Variants in ADHFE1 observed in about 807,000 individuals in gnomAD.
ADHFE1 encodes the protein alcohol dehydrogenase iron containing 1.
Under a neutral mutation model 54.8 loss-of-function variants are expected in ADHFE1, and 37 were observed. The ratio of observed to expected loss-of-function variants is 0.68; its 90% CI spans 0.52 to 0.89. The LOEUF (loss-of-function observed/expected upper bound fraction) is 0.89. Among genes scored for constraint, ADHFE1 ranks in the 40% least tolerant of loss-of-function variants. ADHFE1 has a pLI of 0.00. For missense variants in ADHFE1, 601 were observed against 591.2 expected, an observed-to-expected ratio of 1.02 and a Z score of -0.17; for synonymous variants, 203 against 229.3, an observed-to-expected ratio of 0.89 and a Z score of 1.04.
chr8:66,441,735 A>G (rs1359784906), intron 2 of ADHFE1, among the ~76,000 whole-genome samples: 5 of 152,154 alleles, frequency 3.3e-5, no homozygotes, highest in Non-Finnish European at 5.9e-5. Flanking sequence ...GGTGGCTCAC[A>G]CCCATAATCC....
intron 8 of ADHFE1, among the ~76,000 whole-genome samples, chr8:66,451,719 A>G (rs1191097371): frequency 6.6e-6 from 1 of 152,192 alleles, no homozygotes; most frequent in East Asian, 1.9e-4. Context: ...TATACATACT[A>G]CTCAAAAATA....
At chr8:66,453,459 G>C (rs2130435287) in intron 9 of ADHFE1, among the ~76,000 whole-genome samples, 1 of 152,318 alleles carries the variant, frequency 6.6e-6, no homozygotes, top group South Asian at 2.1e-4. Context: ...GTGAGTGCAG[G>C]AAGGCTGTGC....
At chr8:66,455,625 A>G (rs62511217) in intron 10 of ADHFE1, among the ~76,000 whole-genome samples, 138 of 152,372 alleles carry the variant, frequency 9.1e-4, no homozygotes, top group Non-Finnish European at 1.5e-3. Flanking sequence ...TAGCCTGAAG[A>G]AATACCCATG....
chr8:66,435,755 G>T (rs1805428832), intron 1 of ADHFE1, among the ~76,000 whole-genome samples: 1 of 151,248 alleles, frequency 6.6e-6, no homozygotes, highest in Admixed American at 6.6e-5. Context: ...TGGGACTACA[G>T]TGCACAACAT....
intron 1 of ADHFE1, chr8:66,433,033 A>G (rs1373677607): frequency 5.2e-6 from 2 of 387,654 alleles, no homozygotes; most frequent in Non-Finnish European, 3.5e-6. Flanking sequence ...AAAACCGGCT[A>G]TAGCAGACTG....
intron 3 of ADHFE1, 45 bp downstream of exon 3, chr8:66,442,889 AAAAT>A (rs766337682): frequency 2.3e-5 from 33 of 1,410,612 alleles, no homozygotes; most frequent in Non-Finnish European, 3.2e-5. Context: ...TGACTAGAAA[AAAAT>A]AAAACTAGAA....
At chr8:66,460,985 G>T (rs1277817958) in intron 13 of ADHFE1, among the ~76,000 whole-genome samples, 1 of 152,178 alleles carries the variant, frequency 6.6e-6, no homozygotes, top group Non-Finnish European at 1.5e-5. Flanking sequence ...GTCACTATGG[G>T]TCTGATTTCA....
At chr8:66,449,101 C>A in intron 8 of ADHFE1, 131 bp downstream of exon 8, 2 of 728,908 alleles carry the variant, frequency 2.7e-6, no homozygotes, top group Non-Finnish European at 4.4e-6. Context: ...CTGTCATTAC[C>A]CCCTGTCCTA....
At chr8:66,459,438 T>A (rs1284340093) in intron 12 of ADHFE1, 68 of 138,540 alleles carry the variant, frequency 4.9e-4, no homozygotes, top group African/African-American at 1.7e-3. Context: ...ATATTTTTTT[T>A]TTTTTTTTAA....
At chr8:66,456,416 C>T (rs1344701994) in intron 10 of ADHFE1, among the ~76,000 whole-genome samples, 1 of 152,168 alleles carries the variant, frequency 6.6e-6, no homozygotes, top group Non-Finnish European at 1.5e-5. Flanking sequence ...CAAAATTCCC[C>T]CGACATCATC....
At chr8:66,440,873 C>T (rs755567116) in intron 2 of ADHFE1, among the ~76,000 whole-genome samples, 1 of 152,168 alleles carries the variant, frequency 6.6e-6, no homozygotes, top group Non-Finnish European at 1.5e-5. Flanking sequence ...AGGAAAGAGG[C>T]TGACCATCCA....
intron 2 of ADHFE1, among the ~76,000 whole-genome samples, chr8:66,442,073 T>C (rs1805777688): frequency 6.6e-6 from 1 of 152,072 alleles, no homozygotes; most frequent in Non-Finnish European, 1.5e-5. Context: ...GTTATCCCTA[T>C]GAATTAAAAA....
At chr8:66,447,471 G>A (rs1586457499) in intron 7 of ADHFE1, 130 bp downstream of exon 7, 1 of 737,818 alleles carries the variant, frequency 1.4e-6, no homozygotes, top group Non-Finnish European at 2.2e-6. Flanking sequence ...GAAGAGCAAG[G>A]TGACGAAAGT....
chr8:66,449,444 C>T (rs1736678770), intron 8 of ADHFE1, among the ~76,000 whole-genome samples: 1 of 152,238 alleles, frequency 6.6e-6, no homozygotes, highest in Admixed American at 6.5e-5. Flanking sequence ...AGAGCACCCC[C>T]AGACCATGCA....
intron 3 of ADHFE1, among the ~76,000 whole-genome samples, chr8:66,443,834 AAG>A (rs1168294634): frequency 2.0e-5 from 3 of 152,320 alleles, no homozygotes; most frequent in African/African-American, 7.2e-5. Flanking sequence ...CAAAAAAAAA[AAG>A]AAATTTAAAC....
At chr8:66,443,207 A>G (rs1253937508) in intron 3 of ADHFE1, among the ~76,000 whole-genome samples, 1 of 150,440 alleles carries the variant, frequency 6.6e-6, no homozygotes, top group African/African-American at 2.5e-5. Context: ...ATCACACTGT[A>G]ATTACATAAT....
intron 3 of ADHFE1, 67 bp from the exon 4 acceptor site, chr8:66,444,300 G>C (rs1343332357): frequency 1.4e-6 from 2 of 1,477,390 alleles, no homozygotes; most frequent in African/African-American, 2.8e-5. Flanking sequence ...AACCATTTCA[G>C]GTTTTTAGAA....
intron 1 of ADHFE1, chr8:66,433,031 C>A: frequency 2.6e-6 from 1 of 385,590 alleles, no homozygotes; most frequent in Non-Finnish European, 3.6e-6. Flanking sequence ...CTAAAACCGG[C>A]TATAGCAGAC....
intron 13 of ADHFE1, among the ~76,000 whole-genome samples, chr8:66,461,852 G>A (rs1302066988): frequency 6.6e-6 from 1 of 152,156 alleles, no homozygotes; most frequent in Non-Finnish European, 1.5e-5. Flanking sequence ...GAATTCAATT[G>A]CATCTACAAA....
Sources: gnomAD v4.1 joint callset for allele counts (sites outside exome capture counted in the v4.1 genomes callset) on GRCh38, gnomAD v4.1.1 for gene constraint, MANE v1.5 for transcripts, NCBI Gene and HGNC (gene_info 2026-07-23, HGNC 2026-07-21) for gene names.